The following ADGRB1 variants were observed in gnomAD, a reference collection of about 807,000 sequenced individuals.
ADGRB1 encodes the protein adhesion G protein-coupled receptor B1, also known as brain-specific angiogenesis inhibitor 1.
A neutral mutation model predicts 175.7 loss-of-function variants in ADGRB1; 36 were observed. That is an observed-to-expected ratio of 0.20 (90% confidence interval 0.16 to 0.27). The LOEUF (loss-of-function observed/expected upper bound fraction) is 0.27, where lower values mean the gene tolerates loss of function less well. Ranked by LOEUF, ADGRB1 falls within the 10% of genes least tolerant of loss-of-function variation. ADGRB1 has a pLI of 1.00. For synonymous variants in ADGRB1, 1,054 were observed against 979.4 expected (o/e 1.08, Z -1.42); for missense variants, 1,731 against 2,255.3 (o/e 0.77, Z 4.71).
chr8:142,530,231 CGT>C (rs567324820), intron 24 of ADGRB1, among the ~76,000 whole-genome samples: 5 of 151,262 alleles, frequency 3.3e-5, no homozygotes, highest in Non-Finnish European at 5.9e-5. Context: ...TGTGTGAATG[CGT>C]GTGTGTGTGT....
chr8:142,482,400 C>A (rs965464845), intron 11 of ADGRB1, among the ~76,000 whole-genome samples: 4 of 149,104 alleles, frequency 2.7e-5, no homozygotes, highest in Non-Finnish European at 4.4e-5. Flanking sequence ...ACACTCAGAA[C>A]CCTGACACTG....
chr8:142,526,503 G>GGCCCCCCCCCCCCCCCCCCC, intron 23 of ADGRB1, 39 bp from the exon 24 acceptor site: 21 of 1,259,146 alleles, frequency 1.7e-5, no homozygotes, highest in East Asian at 2.7e-5. Context: ...GCCTACGGCG[G>GGCCCCCCCCCCCCCCCCCCC]CCCCCACCCC....
Position 142,542,710 on chromosome 8 carries a change from A to T in ADGRB1, c.4413+63A>T. The T allele has an allele frequency of 7.1e-7, 1 of 1,409,312 alleles. No individual in the cohort carries two copies. The highest frequency in any genetic ancestry group is 2.7e-5 in the East Asian group (1 of 36,498). 87.3% of individuals were successfully genotyped at this position (1,409,312 alleles called of 1,614,324 possible). On this transcript the variant is annotated intron_variant, in intron 28 of 30. Coordinates refer to ENST00000517894, the MANE Select transcript of ADGRB1 (RefSeq NM_001702.3). This position sits in a 1 kb window ranked among gnomAD's most constrained non-coding sequence, Gnocchi z 6.3. Reference sequence around the variant, plus strand: ...AGGGCAGGGCTGCAGCAGCTGGGTCACCCCTGCTGGGTGGGACCCCCACGC... The same window carrying T: ...AGGGCAGGGCTGCAGCAGCTGGGTCTCCCCTGCTGGGTGGGACCCCCACGC...
In ADGRB1 at chr8:142,464,933, A is replaced by T; in HGVS notation, c.735A>T (p.Glu245Asp). Reference protein sequence around the residue: ...CLRDAVAGGPENCLTSLTQDR... With the variant: ...CLRDAVAGGPDNCLTSLTQDR... Reference sequence around the variant, plus strand: ...GAGATGCGGTGGCTGGTGGCCCTGAAAACTGCCTCACCAGCCTGACCCAGG... The same window carrying T: ...GAGATGCGGTGGCTGGTGGCCCTGATAACTGCCTCACCAGCCTGACCCAGG... Residue 245 changes from glutamate to aspartate, a missense_variant, in exon 2 of 31, where the codon GAA becomes GAT. Glu to Asp is a conservative substitution (Grantham distance 45). Around this residue, in one of 8 missense-constraint regions of ADGRB1, gnomAD observed 383 missense variants for 383.1 expected, o/e 1.00. Transcript: ENST00000517894. 1 of 1,529,324 alleles carries T rather than the reference A, an allele frequency of 6.5e-7. No individual in the cohort carries two copies. The highest frequency in any genetic ancestry group is 8.7e-7 in the Non-Finnish European group (1 of 1,143,378). The allele number at this position is 1,529,324 out of a possible 1,614,324, so 94.7% of individuals were successfully genotyped here.
intron 25 of ADGRB1, 124 bp downstream of exon 25, chr8:142,533,590 C>T (rs1844753102): frequency 8.5e-7 from 1 of 1,178,256 alleles, no homozygotes; most frequent in Admixed American, 2.6e-5. Context: ...ATGACCCTGA[C>T]ACATCTGCAG....
At position 142,543,458 on chromosome 8, in the gene ADGRB1, C is replaced by G. The variant is rs545947735; in HGVS notation, c.4449+20C>G. 39 of 1,613,526 alleles carry G rather than the reference C, an allele frequency of 2.4e-5. No individual in the cohort carries two copies. The African/African-American group carries it at 2.7e-4, about 11-fold the overall frequency. ...TTTGAGGTGAGTTCTGGTGTCCCCC[C>G]CCACCAGACACTTAGGGCCAGATGT... On this transcript the variant is annotated intron_variant, in intron 29 of 30. Transcript: ENST00000517894. The surrounding 1 kb of genome is among the most constrained non-coding windows in gnomAD (Gnocchi z 4.4).
At chr8:142,470,626 G>A (rs1026810349) in intron 2 of ADGRB1, among the ~76,000 whole-genome samples, 2 of 152,136 alleles carry the variant, frequency 1.3e-5, no homozygotes, top group African/African-American at 2.4e-5. Context: ...CCCTGTGTGC[G>A]TCCTCTGTGT....
At chr8:142,490,722 G>A in intron 16 of ADGRB1, 50 bp from the exon 17 acceptor site, 3 of 1,546,078 alleles carry the variant, frequency 1.9e-6, no homozygotes, top group Non-Finnish European at 2.6e-6. Flanking sequence ...CCGAGGGTGG[G>A]GGCTGGTCCT....
chr8:142,532,160 A>G (rs1367285777), intron 24 of ADGRB1, among the ~76,000 whole-genome samples: 2 of 151,942 alleles, frequency 1.3e-5, no homozygotes, highest in Non-Finnish European at 2.9e-5. Flanking sequence ...GGGAGGAGGG[A>G]AGCTGGCGCC....
rs1199570894 is a variant in ADGRB1, at chr8:142,490,623, C to CA, written c.2632-148dup. On this transcript the variant is annotated intron_variant, in intron 16 of 30. Transcript: ENST00000517894. ...GCCACTGCTGTCTCCACCCTGGACT[C>CA]AGTTTCCTCCTCGCAAAACGCAGTC... 9.0e-6 allele frequency: 8 copies of CA among 890,370 alleles called. No homozygotes were observed. The East Asian group carries it at 2.2e-4, about 25-fold the overall frequency. The allele number at this position is 890,370 out of a possible 1,614,324, so 55.2% of individuals were successfully genotyped here.
Position 142,542,602 on chromosome 8 carries a change from C to T in ADGRB1, c.4368C>T (p.Ser1456=). 1 of 1,549,664 alleles carries T rather than the reference C, an allele frequency of 6.5e-7. No individual in the cohort carries two copies. The highest frequency in any genetic ancestry group is 8.7e-7 in the Non-Finnish European group (1 of 1,147,708). The stretch of plus-strand genomic sequence containing the variant: ...ATCCGGGACCCAGCACGGGGCCCAG[C>T]ACCAAGAACGAGAATGTCGCCACCT... The part of the protein sequence containing the change: ...AAHPGPSTGP[S]TKNENVATLS... Residue 1456 remains serine (S), a synonymous_variant, in exon 28 of 31, where the codon AGC becomes AGT. Coordinates refer to ENST00000517894, the MANE Select transcript of ADGRB1 (RefSeq NM_001702.3). This position sits in a 1 kb window ranked among gnomAD's most constrained non-coding sequence, Gnocchi z 6.3.
At chr8:142,475,810 G>T (rs12548227) in intron 3 of ADGRB1, among the ~76,000 whole-genome samples, 175 bp downstream of exon 3, 32,920 of 143,968 alleles carry the variant, frequency 0.23, 3,999 homozygotes, top group African/African-American at 0.31. Context: ...GGGCGGGGCC[G>T]GGGCCGGGGC....
intron 1 of ADGRB1, among the ~76,000 whole-genome samples, chr8:142,451,984 G>A (rs915814835): frequency 2.6e-5 from 4 of 152,156 alleles, no homozygotes; most frequent in Admixed American, 6.5e-5. Flanking sequence ...AGGGGGCGGG[G>A]GTTCCTGGGC....
intron 2 of ADGRB1, among the ~76,000 whole-genome samples, chr8:142,465,946 C>T (rs763976325): frequency 5.9e-5 from 9 of 152,140 alleles, no homozygotes; most frequent in Non-Finnish European, 1.3e-4. Context: ...GAGACAGGAG[C>T]GTGCGCAGGA....
At chr8:142,501,934 G>A (rs553848718) in intron 17 of ADGRB1, among the ~76,000 whole-genome samples, 12 of 145,966 alleles carry the variant, frequency 8.2e-5, no homozygotes, top group Admixed American at 2.1e-4. Flanking sequence ...TGGCGATGGC[G>A]GGGTGGTGGT....
At position 142,477,238 on chromosome 8, in the gene ADGRB1, G is replaced by A; in HGVS notation, c.1182G>A (p.Leu394=). ...ACAGCACGCAGTGCAGCGGACCCCTGCGCGAGCAGCGGCTGTGCAACAACT... is the reference window on the plus strand; with the variant it reads ...ACAGCACGCAGTGCAGCGGACCCCTACGCGAGCAGCGGCTGTGCAACAACT... ...SSYSTQCSGP[L]REQRLCNNSA... Residue 394 remains leucine (L), a synonymous_variant, in exon 5 of 31, where the codon CTG becomes CTA. Transcript: ENST00000517894. 2 of 1,596,648 alleles carry A rather than the reference G, an allele frequency of 1.3e-6. No homozygotes were observed. The highest frequency in any genetic ancestry group is 1.7e-6 in the Non-Finnish European group (2 of 1,174,084).
chr8:142,471,871 C>T (rs1020715275), intron 2 of ADGRB1, among the ~76,000 whole-genome samples: 3 of 152,246 alleles, frequency 2.0e-5, no homozygotes, highest in East Asian at 3.9e-4. Flanking sequence ...CCGGGGCCCT[C>T]CCTTCCACGT....
intron 17 of ADGRB1, among the ~76,000 whole-genome samples, chr8:142,508,052 GT>G (rs1253319946): frequency 1.3e-5 from 2 of 152,074 alleles, no homozygotes; most frequent in Admixed American, 6.5e-5. Context: ...CTGGATTCCA[GT>G]TTTTATGTGT....
chr8:142,479,324 G>A lies in ADGRB1; in HGVS notation c.1563G>A (p.Val521=), dbSNP rs746502403. ...CCTGTGTCTGGCCACGCCCCGCAGT[G>A]GATGGCAAGTGGCAGGCCTGGGCGT... ...TRDCFLQQCP[V]DGKWQAWASW... is the part of the protein sequence containing the mutation. Residue 521 remains valine (V), a splice_region_variant and synonymous_variant, in exon 8 of 31, where the codon GTG becomes GTA. Coordinates refer to ENST00000517894, the MANE Select transcript of ADGRB1 (RefSeq NM_001702.3). 7 of 1,507,864 alleles carry A rather than the reference G, an allele frequency of 4.6e-6. No homozygotes were observed. Among genetic ancestry groups the A allele is most frequent in the Non-Finnish European group, 6.2e-6 (7 of 1,133,582 alleles). 93.4% of individuals were successfully genotyped at this position (1,507,864 alleles called of 1,614,324 possible). A position where few individuals can be genotyped will look rare whatever the true frequency, so the allele number is the denominator to read the frequency against.
Sources: allele counts gnomAD v4.1 joint callset (sites outside exome capture counted in the v4.1 genomes callset), GRCh38; gene constraint gnomAD v4.1.1; regional missense constraint gnomAD v4.1.1; non-coding constraint Gnocchi (gnomAD v3.1); transcripts MANE v1.5; gene names NCBI Gene and HGNC (gene_info 2026-07-23, HGNC 2026-07-21).